The following DNAH11 variants were observed in gnomAD, a reference collection of about 807,000 sequenced individuals.
The protein encoded by DNAH11 is axonemal beta dynein heavy chain 11.
A neutral mutation model predicts 526.0 loss-of-function variants in DNAH11; 442 were observed. That is an observed-to-expected ratio of 0.84 (90% CI 0.78 to 0.91). The LOEUF is 0.91. Ranked by LOEUF, DNAH11 falls within the 40% of genes least tolerant of loss-of-function variation. The pLI is 0.00. For synonymous variants in DNAH11, 2,461 were observed against 1,935.9 expected, an observed-to-expected ratio of 1.27 and a Z score of -7.12; for missense variants, 6,989 against 5,448.7, an observed-to-expected ratio of 1.28 and a Z score of -8.90.
At chr7:21,688,234 C>T (rs983401823) in intron 34 of DNAH11, among the ~76,000 whole-genome samples, 1 of 152,122 alleles carries the variant, frequency 6.6e-6, no homozygotes, top group African/African-American at 2.4e-5. Flanking sequence ...CCTCACAGCG[C>T]TTCATTGCTG....
chr7:21,719,262 A>G (rs1183606365), intron 43 of DNAH11, among the ~76,000 whole-genome samples: 1 of 152,236 alleles, frequency 6.6e-6, no homozygotes, highest in Non-Finnish European at 1.5e-5. Context: ...AAAAATGGGT[A>G]TAAGAAGATA....
intron 2 of DNAH11, among the ~76,000 whole-genome samples, chr7:21,546,099 T>C (rs1260140612): frequency 6.6e-6 from 1 of 152,224 alleles, no homozygotes; most frequent in Non-Finnish European, 1.5e-5. Flanking sequence ...CTGTAATCAG[T>C]GTAGTCCTGC....
At chr7:21,812,844 G>A (rs1053443250) in intron 63 of DNAH11, among the ~76,000 whole-genome samples, 19 of 152,146 alleles carry the variant, frequency 1.2e-4, no homozygotes, top group Admixed American at 1.2e-3. Flanking sequence ...TGGGGGAAGG[G>A]CCAGGCCTGT....
intron 45 of DNAH11, among the ~76,000 whole-genome samples, chr7:21,727,913 G>C (rs543432092): frequency 2.6e-5 from 4 of 152,310 alleles, no homozygotes; most frequent in African/African-American, 9.6e-5. Context: ...TTTGCTGATA[G>C]GCATCGCTTG....
intron 43 of DNAH11, 135 bp from the exon 44 acceptor site, chr7:21,720,590 C>A: frequency 2.0e-6 from 2 of 977,438 alleles, no homozygotes; most frequent in Non-Finnish European, 2.8e-6. Flanking sequence ...TAATTTTTGT[C>A]TCTCCCAATG....
At chr7:21,694,016 T>C (rs575239289) in intron 35 of DNAH11, among the ~76,000 whole-genome samples, 5 of 152,256 alleles carry the variant, frequency 3.3e-5, no homozygotes, top group Admixed American at 6.5e-5. Flanking sequence ...TCACTCACCA[T>C]CATGAAAACC....
chr7:21,864,796 G>C (rs1783209818), intron 70 of DNAH11, 139 bp downstream of exon 70: 1 of 807,072 alleles, frequency 1.2e-6, no homozygotes, highest in African/African-American at 1.8e-5. Flanking sequence ...TGTATAATGT[G>C]ATGTTATTAA....
In DNAH11 at chr7:21,613,626, C is replaced by T. The variant is rs115250149; in HGVS notation, c.3853-1488C>T. ...CAAGACTTCTTGTACAATATGGTGA[C>T]TATAGTTAATAGCAACGTACTGTAT... On this transcript the variant is annotated intron_variant, in intron 20 of 81. Coordinates refer to ENST00000409508, the MANE Select transcript of DNAH11 (RefSeq NM_001277115.2). Among the ~76,000 whole-genome samples the T allele has an allele frequency of 4.5e-3, 691 of 152,198 alleles. 10 individuals carry two copies. Among genetic ancestry groups the T allele is most frequent in the African/African-American group, 0.016 (668 of 41,512 alleles).
intron 54 of DNAH11, among the ~76,000 whole-genome samples, chr7:21,754,889 A>G (rs1786562936): frequency 6.6e-6 from 1 of 152,142 alleles, no homozygotes; most frequent in Non-Finnish European, 1.5e-5. Context: ...TTACCCCCAC[A>G]TCCTTGGAAT....
Position 21,867,988 on chromosome 7 carries a change from T to G in DNAH11, c.11820T>G (p.Leu3940=). ...TCCTGTCTCCGGGGGTAGATGCCCT[T>G]AAAGACCTGGAGATTCTTGGTGAGT... ...FFILSPGVDA[L]KDLEILGKRL... is the part of the protein sequence containing the mutation. The change falls in exon 72 of 82, where the codon CTT becomes CTG. Residue 3940 remains leucine, a synonymous_variant. Transcript: ENST00000409508. 1 of 1,552,194 alleles carries G rather than the reference T, an allele frequency of 6.4e-7. No homozygotes were observed. The highest frequency in any genetic ancestry group is 8.7e-7 in the Non-Finnish European group (1 of 1,146,928).
chr7:21,697,672 A>C (rs1783909606), intron 35 of DNAH11, among the ~76,000 whole-genome samples: 1 of 152,188 alleles, frequency 6.6e-6, no homozygotes, highest in Admixed American at 6.6e-5. Flanking sequence ...AATTTATTCC[A>C]TGGAAATAAG....
chr7:21,564,913 T>G (rs573279093), intron 6 of DNAH11, among the ~76,000 whole-genome samples: 1 of 152,144 alleles, frequency 6.6e-6, no homozygotes. Context: ...AAAAAAAAAT[T>G]TAAAAAAAGG....
chr7:21,614,570 A>G (rs993450820), intron 20 of DNAH11, among the ~76,000 whole-genome samples: 1 of 152,232 alleles, frequency 6.6e-6, no homozygotes, highest in Non-Finnish European at 1.5e-5. Flanking sequence ...TAGATGGGGT[A>G]TATAATTGAA....
chr7:21,767,106 T>G (rs1210146544), intron 55 of DNAH11, among the ~76,000 whole-genome samples: 1 of 152,216 alleles, frequency 6.6e-6, no homozygotes, highest in African/African-American at 2.4e-5. Context: ...GATTGCCAGG[T>G]CTGCTGCATT....
chr7:21,728,259 T>G (rs1228877992), intron 45 of DNAH11, among the ~76,000 whole-genome samples: 1 of 125,326 alleles, frequency 8.0e-6, no homozygotes, highest in East Asian at 2.4e-4. Context: ...TTTTTTTTTT[T>G]TTTTTTTTTT....
At chr7:21,611,664 G>A (rs1307452054) in intron 20 of DNAH11, among the ~76,000 whole-genome samples, 1 of 152,112 alleles carries the variant, frequency 6.6e-6, no homozygotes, top group Non-Finnish European at 1.5e-5. Context: ...AAAGCAACCA[G>A]ATAGAAAAGA....
At chr7:21,896,142 T>C (rs1189282189) in intron 79 of DNAH11, among the ~76,000 whole-genome samples, 1 of 152,246 alleles carries the variant, frequency 6.6e-6, no homozygotes. Flanking sequence ...ATTATGTTTG[T>C]TGTGTTTTGT....
intron 55 of DNAH11, among the ~76,000 whole-genome samples, chr7:21,766,984 A>G (rs778739100): frequency 1.3e-5 from 2 of 152,188 alleles, no homozygotes; most frequent in Non-Finnish European, 2.9e-5. Context: ...ATAAATGAAA[A>G]TAAGAAATGA....
chr7:21,842,549 T>C lies in DNAH11; in HGVS notation c.10697T>C (p.Ile3566Thr), dbSNP rs1302140946. ...CTGTGTTTTGCTCCGTTTAGGTATA[T>C]CAGGATTGGAGATAAAGAATGTGAA... ...GRNTIKKGKYIRIGDKECEFN... is the reference protein window; with the variant it reads ...GRNTIKKGKYTRIGDKECEFN... Residue 3566 changes from isoleucine (I) to threonine (T), a missense_variant, in exon 66 of 82, where the codon ATC becomes ACC. Physicochemically the swap from Ile to Thr is moderately conservative, Grantham distance 89. Coordinates refer to ENST00000409508, the MANE Select transcript of DNAH11 (RefSeq NM_001277115.2). 6.2e-7 allele frequency: 1 copy of C among 1,613,746 alleles called. No homozygotes were observed. Among genetic ancestry groups the C allele is most frequent in the East Asian group, 2.2e-5 (1 of 44,864 alleles).
Sources: allele counts gnomAD v4.1 joint callset (sites outside exome capture counted in the v4.1 genomes callset), GRCh38; gene constraint gnomAD v4.1.1; transcripts MANE v1.5; gene names NCBI Gene and HGNC (gene_info 2026-07-23, HGNC 2026-07-21).